Variants in ERC2 observed in about 807,000 individuals in gnomAD.
ERC2 encodes the protein ERC protein 2.
In ERC2, 42 loss-of-function variants were observed where a neutral mutation model predicts 114.8. That is an observed-to-expected ratio of 0.37 (90% CI 0.29 to 0.47). The LOEUF (loss-of-function observed/expected upper bound fraction) is 0.47. Among genes scored for constraint, ERC2 ranks in the 20% least tolerant of loss-of-function variants. The pLI, the probability that ERC2 is intolerant of heterozygous loss-of-function variation, is 0.99. For synonymous variants in ERC2, 454 were observed against 425.5 expected (o/e 1.07, Z -0.82); for missense variants, 939 against 1,150.7 (o/e 0.82, Z 2.66).
intron 17 of ERC2, among the ~76,000 whole-genome samples, chr3:55,514,387 T>C (rs943835661): frequency 5.9e-5 from 9 of 151,970 alleles, no homozygotes; most frequent in Non-Finnish European, 1.0e-4. Context: ...TAAGCTGGGA[T>C]TGTGCCACTC....
chr3:56,296,337 C>T lies in ERC2; in HGVS notation c.756G>A (p.Glu252=), dbSNP rs2055431021. The T allele has an allele frequency of 3.1e-6, 5 of 1,614,026 alleles. No homozygotes were observed. The highest frequency in any genetic ancestry group is 4.2e-6 in the Non-Finnish European group (5 of 1,179,892). ...LQQESGNRGA[E]HFTIELTEEN... is the part of the protein sequence containing the mutation. ...CCTCGGTCAGCTCGATGGTGAAGTGCTCCGCTCCTCGGTTGCCACTCTCTT... is the reference window on the plus strand; with the variant it reads ...CCTCGGTCAGCTCGATGGTGAAGTGTTCCGCTCCTCGGTTGCCACTCTCTT... The change falls in exon 3 of 18, where the codon GAG becomes GAA. Residue 252 remains glutamate (E), a synonymous_variant. Coordinates refer to ENST00000288221, the MANE Select transcript of ERC2 (RefSeq NM_015576.3).
chr3:55,586,589 T>A (rs1445710578), intron 17 of ERC2, among the ~76,000 whole-genome samples: 1 of 152,230 alleles, frequency 6.6e-6, no homozygotes, highest in Admixed American at 6.5e-5. Flanking sequence ...ATCATATTTT[T>A]AAAACTAGCC....
chr3:55,868,436 T>C (rs1275287554), intron 14 of ERC2, among the ~76,000 whole-genome samples: 1 of 152,220 alleles, frequency 6.6e-6, no homozygotes, highest in Non-Finnish European at 1.5e-5. Context: ...CCGAAGTGAA[T>C]GGTGCCAAGA....
intron 2 of ERC2, among the ~76,000 whole-genome samples, chr3:56,345,954 C>T (rs185756762): frequency 1.3e-5 from 2 of 152,340 alleles, no homozygotes; most frequent in African/African-American, 4.8e-5. Flanking sequence ...TCTAGCACAA[C>T]TTTCAAAGTC....
intron 1 of ERC2, among the ~76,000 whole-genome samples, chr3:56,465,699 G>A (rs2063513536): frequency 6.6e-6 from 1 of 152,056 alleles, no homozygotes; most frequent in Non-Finnish European, 1.5e-5. Context: ...TTTTTATCGA[G>A]CCAAAATTTT....
At chr3:55,622,751 A>C (rs2059374983) in intron 17 of ERC2, among the ~76,000 whole-genome samples, 2 of 151,916 alleles carry the variant, frequency 1.3e-5, no homozygotes, top group Non-Finnish European at 2.9e-5. Context: ...AAAGGATTAA[A>C]GCATCTAATA....
intron 2 of ERC2, among the ~76,000 whole-genome samples, chr3:56,300,045 C>A (rs2055759610): frequency 6.6e-6 from 1 of 152,048 alleles, no homozygotes; most frequent in African/African-American, 2.4e-5. Context: ...CACATCTACG[C>A]AGTGGGGATA....
At chr3:55,625,117 C>T (rs552396884) in intron 17 of ERC2, among the ~76,000 whole-genome samples, 127 of 152,188 alleles carry the variant, frequency 8.3e-4, no homozygotes, top group African/African-American at 2.9e-3. Context: ...CCTGTAATCC[C>T]AACACTTAGG....
chr3:55,959,060 G>A (rs546396732), intron 12 of ERC2, among the ~76,000 whole-genome samples: 2 of 152,084 alleles, frequency 1.3e-5, no homozygotes, highest in South Asian at 2.1e-4. Flanking sequence ...CACTCCAGAC[G>A]GTCCACTGCA....
chr3:56,207,779 G>A (rs188841649), intron 3 of ERC2, among the ~76,000 whole-genome samples: 1 of 152,208 alleles, frequency 6.6e-6, no homozygotes, highest in East Asian at 1.9e-4. Context: ...ATATCTTCAA[G>A]GTCTAGGAGA....
At chr3:55,621,941 T>G (rs1206896153) in intron 17 of ERC2, among the ~76,000 whole-genome samples, 3 of 152,224 alleles carry the variant, frequency 2.0e-5, no homozygotes, top group Non-Finnish European at 4.4e-5. Flanking sequence ...GGCACACTCC[T>G]GTGGGACTTT....
Position 55,762,166 on chromosome 3 carries a change from A to G in ERC2, c.2565-27248T>C, listed in dbSNP as rs1238720840. On this transcript the variant is annotated intron_variant, in intron 14 of 17. Coordinates refer to ENST00000288221, the MANE Select transcript of ERC2 (RefSeq NM_015576.3). The stretch of plus-strand genomic sequence containing the variant: ...TGAAAACAGACTAATACACGAAGAT[A>G]GGAGTTGGCCCATGGGCCATACTTT... Among the ~76,000 whole-genome samples the G allele has an allele frequency of 2.6e-5, 4 of 152,218 alleles. No homozygotes were observed. The East Asian group carries it at 7.7e-4, about 29-fold the overall frequency.
chr3:55,671,830 A>G (rs2061572017), intron 17 of ERC2, among the ~76,000 whole-genome samples: 1 of 152,060 alleles, frequency 6.6e-6, no homozygotes, highest in African/African-American at 2.4e-5. Context: ...CTTTCCCCAG[A>G]TATATTCTGT....
chr3:55,620,850 G>T (rs1165205527), intron 17 of ERC2, among the ~76,000 whole-genome samples: 2 of 152,152 alleles, frequency 1.3e-5, no homozygotes, highest in Admixed American at 1.3e-4. Flanking sequence ...AAACTTAACT[G>T]ATGGAAGATG....
At chr3:55,957,478 G>A (rs1174425121) in intron 12 of ERC2, among the ~76,000 whole-genome samples, 4 of 152,156 alleles carry the variant, frequency 2.6e-5, no homozygotes, top group African/African-American at 9.7e-5. Flanking sequence ...AGTGTCACAG[G>A]ATCCTTAGGG....
chr3:55,792,882 T>C (rs183940463), intron 14 of ERC2, among the ~76,000 whole-genome samples: 2 of 152,308 alleles, frequency 1.3e-5, no homozygotes, highest in African/African-American at 4.8e-5. Flanking sequence ...GTGTCATTTT[T>C]AGCAACTAAG....
chr3:56,326,636 C>T (rs2057374580), intron 2 of ERC2, among the ~76,000 whole-genome samples: 1 of 152,206 alleles, frequency 6.6e-6, no homozygotes, highest in Non-Finnish European at 1.5e-5. Context: ...TTATCAAGGT[C>T]ACCAACTTCT....
Position 55,764,074 on chromosome 3 carries a change from G to A in ERC2, c.2565-29156C>T, listed in dbSNP as rs144099472. Among the ~76,000 whole-genome samples the A allele has an allele frequency of 3.0e-3, 460 of 152,164 alleles. 4 individuals carry two copies. The highest frequency in any genetic ancestry group is 0.01 in the African/African-American group (425 of 41,508). On this transcript the variant is annotated intron_variant, in intron 14 of 17. Transcript: ENST00000288221. Reference sequence around the variant, plus strand: ...TCTCAGAAATACTTCCACTGTTTGCGTTTCTGTATTTAGTTCAGAATAAGG... The same window carrying A: ...TCTCAGAAATACTTCCACTGTTTGCATTTCTGTATTTAGTTCAGAATAAGG...
At chr3:56,398,992 G>A (rs1016148111) in intron 2 of ERC2, among the ~76,000 whole-genome samples, 1 of 152,160 alleles carries the variant, frequency 6.6e-6, no homozygotes, top group Non-Finnish European at 1.5e-5. Context: ...ATCTGCTGAT[G>A]TTTAGTCCCA....
Sources: allele counts gnomAD v4.1 joint callset (sites outside exome capture counted in the v4.1 genomes callset), GRCh38; gene constraint gnomAD v4.1.1; transcripts MANE v1.5; gene names NCBI Gene and HGNC (gene_info 2026-07-23, HGNC 2026-07-21).